DST: variants seen among roughly 807,000 people sequenced by gnomAD.
DST encodes the protein dystonin.
In DST, 253 loss-of-function variants were observed where a neutral mutation model predicts 875.2. The ratio of observed to expected loss-of-function variants is 0.29; its 90% CI spans 0.26 to 0.32. The LOEUF is 0.32. Ranked by LOEUF, DST falls within the 10% of genes least tolerant of loss-of-function variation. The pLI is 1.00. For missense variants in DST, 8,287 were observed against 9,111.6 expected (o/e 0.91, Z 3.68); for synonymous variants, 3,124 against 3,197.1 (o/e 0.98, Z 0.77).
chr6:56,909,565 C>A (rs186084997), intron 2 of DST, among the ~76,000 whole-genome samples: 1 of 152,286 alleles, frequency 6.6e-6, no homozygotes, highest in East Asian at 1.9e-4. Flanking sequence ...TTGTTTGAGC[C>A]AATGAGTATA....
At chr6:56,692,692 C>T (rs1211766656) in intron 9 of DST, 3 of 1,289,594 alleles carry the variant, frequency 2.3e-6, no homozygotes, top group Non-Finnish European at 3.0e-6. Flanking sequence ...CCTCTTTGCG[C>T]AATATGGAGT....
intron 36 of DST, chr6:56,616,136 A>G (rs1465381431): frequency 6.2e-7 from 1 of 1,614,080 alleles, no homozygotes; most frequent in Non-Finnish European, 8.5e-7. Flanking sequence ...AGGACTGTGC[A>G]AATCTTTCTT....
Position 56,634,212 on chromosome 6 carries a change from G to A in DST, c.3541C>T (p.His1181Tyr), listed in dbSNP as rs377083145. Residue 1181 changes from histidine (H) to tyrosine (Y), a missense_variant, in exon 27 of 104, where the codon CAC becomes TAC. This residue lies in a region of DST where 1,160 missense variants were observed against 1,424.3 expected (regional missense o/e 0.81). Transcript: ENST00000680361. ...QNVLTLWHES[H>Y]INMKSVVSWH... ...GATACTACACTCTTCATGTTTATGTGAGACTCATGCCAAAGAGTCAGGACA... is the reference window on the plus strand; with the variant it reads ...GATACTACACTCTTCATGTTTATGTAAGACTCATGCCAAAGAGTCAGGACA... 1.7e-5 allele frequency: 28 copies of A among 1,613,500 alleles called. No individual in the cohort carries two copies. Among genetic ancestry groups the A allele is most frequent in the Non-Finnish European group, 2.4e-5 (28 of 1,179,930 alleles).
chr6:56,858,950 T>C (rs992041326), intron 3 of DST, among the ~76,000 whole-genome samples: 1 of 152,236 alleles, frequency 6.6e-6, no homozygotes, highest in Admixed American at 6.5e-5. Context: ...ATATAGGTCC[T>C]TTTGACATGA....
In DST at chr6:56,505,260, T is replaced by C. The variant is rs553583406; in HGVS notation, c.19465-1162A>G. Among the ~76,000 whole-genome samples, 220 of 152,288 alleles carry C rather than the reference T, an allele frequency of 1.4e-3. 1 individual carries two copies. Among genetic ancestry groups the C allele is most frequent in the African/African-American group, 5.1e-3 (214 of 41,570 alleles). On this transcript the variant is annotated intron_variant, in intron 77 of 103. Coordinates refer to ENST00000680361, the MANE Select transcript of DST (RefSeq NM_001374736.1). ...ACTAATACATGATCAACAGGACTTA[T>C]GACAGGCCTTACTTTTCTGGTAGTG...
intron 3 of DST, among the ~76,000 whole-genome samples, chr6:56,891,880 G>A (rs1787727163): frequency 6.6e-6 from 1 of 152,078 alleles, no homozygotes; most frequent in Non-Finnish European, 1.5e-5. Context: ...AATCTCCACT[G>A]CTATTTGCTG....
chr6:56,699,891 C>T (rs1205403226), intron 8 of DST, 146 bp from the exon 9 acceptor site: 1 of 524,722 alleles, frequency 1.9e-6, no homozygotes, highest in Non-Finnish European at 3.3e-6. Flanking sequence ...ATTGTTTTAC[C>T]CTTATTCTCA....
At chr6:56,588,753 A>G (rs2098213508) in intron 49 of DST, among the ~76,000 whole-genome samples, 1 of 152,206 alleles carries the variant, frequency 6.6e-6, no homozygotes, top group Admixed American at 6.5e-5. Context: ...TAATCTTCAT[A>G]TCCAAGAAAC....
At chr6:56,725,557 G>A (rs2099450261) in intron 5 of DST, among the ~76,000 whole-genome samples, 1 of 152,154 alleles carries the variant, frequency 6.6e-6, no homozygotes, top group African/African-American at 2.4e-5. Context: ...GTAGAAGAGG[G>A]TGATTCTAAG....
Position 56,946,433 on chromosome 6 carries a change from AG to A in DST, c.216+7351del, listed in dbSNP as rs1313011368. ...TCAGGAAACTTTTCTTGTCAAGAGAAGAGTTGGTGACATAGGGAGGTTTTGT... is the reference window on the plus strand; with the variant it reads ...TCAGGAAACTTTTCTTGTCAAGAGAAAGTTGGTGACATAGGGAGGTTTTGT... On this transcript the variant is annotated intron_variant, in intron 2 of 103. Transcript: ENST00000680361. Among the ~76,000 whole-genome samples, 3 of 152,206 alleles carry A rather than the reference AG, an allele frequency of 2.0e-5. No homozygotes were observed. The East Asian group carries it at 5.8e-4, about 29-fold the overall frequency.
chr6:56,603,307 T>G lies in DST; in HGVS notation c.11055A>C (p.Glu3685Asp). ...TCAAACTCTGGTGGCTAATACTCAA[T>G]TCTTCAACATGGCCTCTGGGAAAGT... ...PSDFPRGHVEELSISHQSLKT... is the reference protein window; with the variant it reads ...PSDFPRGHVEDLSISHQSLKT... Residue 3685 changes from glutamate (E) to aspartate (D), a missense_variant, in exon 42 of 104, where the codon GAA becomes GAC. Coordinates refer to ENST00000680361, the MANE Select transcript of DST (RefSeq NM_001374736.1). 1 of 1,611,008 alleles carries G rather than the reference T, an allele frequency of 6.2e-7. No individual in the cohort carries two copies.
chr6:56,577,982 C>G (rs556734216), intron 50 of DST, among the ~76,000 whole-genome samples: 2 of 151,190 alleles, frequency 1.3e-5, no homozygotes, highest in Non-Finnish European at 2.9e-5. Context: ...GCTTTTGCAC[C>G]CGGCCTGAGA....
chr6:56,604,517 G>C lies in DST; in HGVS notation c.10111C>G (p.Gln3371Glu), dbSNP rs899147867. 6.2e-7 allele frequency: 1 copy of C among 1,612,430 alleles called. No individual in the cohort carries two copies. Among genetic ancestry groups the C allele is most frequent in the African/African-American group, 1.3e-5 (1 of 74,822 alleles). The change falls in exon 40 of 104, where the codon CAA becomes GAA. Residue 3371 changes from glutamine to glutamate, a missense_variant. Physicochemically the swap from Gln to Glu is conservative, Grantham distance 29. This residue lies in a region of DST where 3,138 missense variants were observed against 3,116.6 expected (regional missense o/e 1.01). Transcript: ENST00000680361. ...SRLKEGHMNP[Q>E]EVEEPSACAD... is the part of the protein sequence containing the mutation. The stretch of plus-strand genomic sequence containing the variant: ...CAGGCTGAAGGTTCTTCAACCTCTT[G>C]AGGGTTCATATGACCTTCTTTCAAC...
At chr6:56,501,261 C>T in intron 79 of DST, 26 bp from the exon 80 acceptor site, 1 of 1,558,476 alleles carries the variant, frequency 6.4e-7, no homozygotes, top group South Asian at 1.2e-5. Flanking sequence ...AAAGAAAATC[C>T]ATTTATAAAT....
At chr6:56,548,661 C>T (rs1389688671) in intron 61 of DST, among the ~76,000 whole-genome samples, 1 of 152,090 alleles carries the variant, frequency 6.6e-6, no homozygotes, top group Non-Finnish European at 1.5e-5. Context: ...ACAGAATCGC[C>T]CTGCTATTCA....
intron 3 of DST, among the ~76,000 whole-genome samples, chr6:56,884,126 A>G (rs568399085): frequency 6.6e-6 from 1 of 150,608 alleles, no homozygotes; most frequent in South Asian, 2.1e-4. Flanking sequence ...GTGAGAACTT[A>G]TCTCAAAAAA....
intron 2 of DST, among the ~76,000 whole-genome samples, chr6:56,924,685 T>C (rs2127747992): frequency 6.6e-6 from 1 of 152,290 alleles, no homozygotes; most frequent in African/African-American, 2.4e-5. Context: ...TAGTTTTTTT[T>C]TGGTACTGGA....
rs777533426 is a variant in DST at position 56,607,621 on chromosome 6, G to C, written c.7007C>G (p.Pro2336Arg). The C allele has an allele frequency of 3.1e-6, 5 of 1,613,254 alleles. No individual in the cohort carries two copies. The South Asian group carries it at 5.5e-5, about 18-fold the overall frequency. ...ISIDPKVNSS[P>R]SVCVPSLISY... is the part of the protein sequence containing the mutation. The stretch of plus-strand genomic sequence containing the variant: ...TATGAGACTGGGAACACACACACTG[G>C]GTGAACTGTTAACTTTAGGATCAAT... Residue 2336 changes from proline (P) to arginine (R), a missense_variant, in exon 40 of 104, where the codon CCC becomes CGC. Pro to Arg is a moderately radical substitution (Grantham distance 103). Transcript: ENST00000680361.
intron 87 of DST, 58 bp downstream of exon 87, chr6:56,487,046 T>C: frequency 6.4e-6 from 10 of 1,553,276 alleles, no homozygotes; most frequent in Non-Finnish European, 8.8e-6. Context: ...AAAGCACCAT[T>C]ACTGTGTATT....
Sources: allele counts gnomAD v4.1 joint callset (sites outside exome capture counted in the v4.1 genomes callset), GRCh38; gene constraint gnomAD v4.1.1; regional missense constraint gnomAD v4.1.1; transcripts MANE v1.5; gene names NCBI Gene and HGNC (gene_info 2026-07-23, HGNC 2026-07-21).